The following MACROD2 variants were observed in gnomAD, a reference collection of about 807,000 sequenced individuals.
MACROD2 encodes mono-ADP ribosylhydrolase 2.
Under a neutral mutation model 70.4 loss-of-function variants are expected in MACROD2, and 36 were observed. The observed-to-expected ratio is 0.51, with a 90% CI of 0.39 to 0.68. The LOEUF is 0.68. Among genes scored for constraint, MACROD2 ranks in the 30% least tolerant of loss-of-function variants. The pLI, the probability that MACROD2 is intolerant of heterozygous loss-of-function variation, is 0.00. For synonymous variants in MACROD2, 172 were observed against 178.8 expected, an observed-to-expected ratio of 0.96 and a Z score of 0.30; for missense variants, 496 against 538.4, an observed-to-expected ratio of 0.92 and a Z score of 0.78.
At chr20:15,256,942 T>C (rs2077204547) in intron 6 of MACROD2, among the ~76,000 whole-genome samples, 1 of 152,002 alleles carries the variant, frequency 6.6e-6, no homozygotes, top group South Asian at 2.1e-4. Flanking sequence ...AAAAAAATTA[T>C]TCTGCAACTT....
intron 8 of MACROD2, among the ~76,000 whole-genome samples, chr20:15,663,216 G>A (rs1393998720): frequency 2.7e-5 from 4 of 149,028 alleles, no homozygotes; most frequent in Admixed American, 2.1e-4. Context: ...TGTTTCTCAA[G>A]AGAAGTCAGA....
chr20:16,005,779 C>T (rs1486889164), intron 15 of MACROD2, among the ~76,000 whole-genome samples: 4 of 152,170 alleles, frequency 2.6e-5, no homozygotes, highest in Non-Finnish European at 1.5e-5. Flanking sequence ...GCTTGTGTGT[C>T]CTGCCTTTCC....
intron 8 of MACROD2, among the ~76,000 whole-genome samples, chr20:15,859,303 T>C (rs2147158922): frequency 6.6e-6 from 1 of 152,182 alleles, no homozygotes; most frequent in African/African-American, 2.4e-5. Context: ...AGGCATGATC[T>C]GCTTAACTTT....
intron 3 of MACROD2, among the ~76,000 whole-genome samples, chr20:14,276,259 A>G (rs2122381847): frequency 6.6e-6 from 1 of 151,722 alleles, no homozygotes; most frequent in African/African-American, 2.4e-5. Flanking sequence ...TGGATTAAGA[A>G]AATGTGGCAC....
chr20:15,840,568 A>T (rs1428352951), intron 8 of MACROD2, among the ~76,000 whole-genome samples: 1 of 152,192 alleles, frequency 6.6e-6, no homozygotes, highest in Non-Finnish European at 1.5e-5. Context: ...ATGCTCACCT[A>T]TATCTACTTC....
chr20:15,198,153 G>A (rs1056347912), intron 5 of MACROD2, among the ~76,000 whole-genome samples: 9 of 151,956 alleles, frequency 5.9e-5, no homozygotes, highest in African/African-American at 1.7e-4. Flanking sequence ...TAGAGACGGG[G>A]TTTCACTATG....
At chr20:14,015,872 T>G (rs2052982760) in intron 2 of MACROD2, among the ~76,000 whole-genome samples, 1 of 152,268 alleles carries the variant, frequency 6.6e-6, no homozygotes, top group South Asian at 2.1e-4. Context: ...TTTATCCATT[T>G]AACTGTTGGA....
chr20:14,464,314 A>G (rs939647587), intron 3 of MACROD2, among the ~76,000 whole-genome samples: 2 of 151,986 alleles, frequency 1.3e-5, no homozygotes, highest in Non-Finnish European at 2.9e-5. Context: ...TTTCTAGTTT[A>G]TTTGCGTAGA....
chr20:15,240,908 T>G (rs941530440), intron 6 of MACROD2, among the ~76,000 whole-genome samples: 4 of 152,146 alleles, frequency 2.6e-5, no homozygotes, highest in Admixed American at 6.5e-5. Flanking sequence ...GGGAACAGAA[T>G]TGTCCAGAAC....
chr20:15,368,461 CTTT>C (rs11479469), intron 6 of MACROD2, among the ~76,000 whole-genome samples: 10 of 136,792 alleles, frequency 7.3e-5, no homozygotes, highest in South Asian at 4.8e-4. Context: ...CAATCACAAA[CTTT>C]TTTTTTTTTT....
chr20:14,551,478 A>C (rs1234932661), intron 4 of MACROD2, among the ~76,000 whole-genome samples: 1 of 152,222 alleles, frequency 6.6e-6, no homozygotes, highest in Non-Finnish European at 1.5e-5. Context: ...AATTTCTGAC[A>C]TAGTAAGTTA....
intron 8 of MACROD2, among the ~76,000 whole-genome samples, chr20:15,591,318 G>A (rs914754852): frequency 3.3e-5 from 5 of 152,136 alleles, no homozygotes; most frequent in African/African-American, 1.2e-4. Flanking sequence ...ATGTGGATGG[G>A]TAATGAGGCT....
chr20:14,064,639 G>T (rs1264659893), intron 2 of MACROD2, among the ~76,000 whole-genome samples: 1 of 152,158 alleles, frequency 6.6e-6, no homozygotes, highest in African/African-American at 2.4e-5. Context: ...CACAGTCTTA[G>T]TTCAGGCGAA....
At chr20:15,741,947 A>G (rs1484209974) in intron 8 of MACROD2, among the ~76,000 whole-genome samples, 1 of 152,108 alleles carries the variant, frequency 6.6e-6, no homozygotes, top group Non-Finnish European at 1.5e-5. Flanking sequence ...TGGTTGATTG[A>G]TTTTGCCTTG....
intron 8 of MACROD2, among the ~76,000 whole-genome samples, chr20:15,613,826 G>A (rs534722585): frequency 1.3e-5 from 2 of 152,304 alleles, no homozygotes; most frequent in Admixed American, 6.5e-5. Flanking sequence ...AAGTCTGACC[G>A]TGTTATCTTA....
chr20:14,507,335 A>G (rs1407059433), intron 4 of MACROD2, among the ~76,000 whole-genome samples: 1 of 152,186 alleles, frequency 6.6e-6, no homozygotes, highest in Non-Finnish European at 1.5e-5. Flanking sequence ...AAACTCAGAA[A>G]GTAAAAACAG....
At chr20:14,466,165 G>A (rs1259443832) in intron 3 of MACROD2, among the ~76,000 whole-genome samples, 4 of 152,096 alleles carry the variant, frequency 2.6e-5, no homozygotes, top group Admixed American at 6.5e-5. Context: ...TCACTTTCAG[G>A]TACACAAATT....
intron 3 of MACROD2, among the ~76,000 whole-genome samples, chr20:14,271,890 A>G (rs1046356534): frequency 6.6e-6 from 1 of 152,210 alleles, no homozygotes; most frequent in African/African-American, 2.4e-5. Flanking sequence ...AAGAAAGGGT[A>G]TCAGTGATGG....
At position 15,826,876 on chromosome 20, in the gene MACROD2, G is replaced by T. The variant is rs772713759; in HGVS notation, c.646-35869G>T. On this transcript the variant is annotated intron_variant, in intron 8 of 17. Transcript: ENST00000684519. ...AGCATTTTTAATAACAAAAAATGTG[G>T]CTGACATATGAACTTTAGCTCTTAC... Among the ~76,000 whole-genome samples the T allele has an allele frequency of 3.9e-5, 6 of 152,154 alleles. No homozygotes were observed. The South Asian group carries it at 1.0e-3, about 26-fold the overall frequency.
Sources: gnomAD v4.1 joint callset for allele counts (sites outside exome capture counted in the v4.1 genomes callset) on GRCh38, gnomAD v4.1.1 for gene constraint, MANE v1.5 for transcripts, NCBI Gene and HGNC (gene_info 2026-07-23, HGNC 2026-07-21) for gene names.